PARVB: variants seen among roughly 807,000 people sequenced by gnomAD.
PARVB encodes the protein beta-parvin.
Under a neutral mutation model 47.0 loss-of-function variants are expected in PARVB, and 46 were observed. The observed-to-expected ratio is 0.98, with a 90% CI of 0.77 to 1.25. PARVB has a LOEUF of 1.25. PARVB is among the 50% of genes most tolerant of loss of function. The pLI, the probability that PARVB is intolerant of heterozygous loss-of-function variation, is 0.00. For synonymous variants in PARVB, 196 were observed against 196.3 expected (o/e 1.00, Z 0.01); for missense variants, 473 against 471.6 (o/e 1.00, Z -0.03).
chr22:44,143,467 TGCACGCA>T (rs1249760431), intron 8 of PARVB: 1 of 152,476 alleles, frequency 6.6e-6, no homozygotes, highest in African/African-American at 2.4e-5. Flanking sequence ...GGCCACAGTC[TGCACGCA>T]GCTGGGGGCA....
In PARVB at chr22:44,006,950, T is replaced by A. The variant is rs11913476; in HGVS notation, c.211+7277T>A. Among the ~76,000 whole-genome samples the A allele has an allele frequency of 5.4e-3, 827 of 152,340 alleles. 14 individuals are homozygous for A. Among genetic ancestry groups the A allele is most frequent in the African/African-American group, 0.019 (779 of 41,582 alleles). On this transcript the variant is annotated intron_variant, in intron 2 of 13. Coordinates refer to the PARVB transcript ENST00000406477. ...GCAAATCACCTTCATCGCTGAATCT[T>A]TCACCTGGGCAAGTGCAGGAGGGGA...
At chr22:44,128,955 G>A (rs1040558694) in intron 4 of PARVB, among the ~76,000 whole-genome samples, 2 of 152,208 alleles carry the variant, frequency 1.3e-5, no homozygotes, top group African/African-American at 2.4e-5. Flanking sequence ...GCACATGCCT[G>A]TAATCCCAGC....
At chr22:44,005,606 A>G (rs1367815586) in intron 2 of PARVB, among the ~76,000 whole-genome samples, 1 of 151,992 alleles carries the variant, frequency 6.6e-6, no homozygotes, top group East Asian at 1.9e-4. Context: ...GATTTCCTAG[A>G]GCTGAATCAA....
chr22:44,147,811 C>A, intron 8 of PARVB, 50 bp from the exon 9 acceptor site: 2 of 1,527,328 alleles, frequency 1.3e-6, no homozygotes, highest in South Asian at 2.2e-5. Context: ...TAGGGCAGCA[C>A]CACGGGTTTC....
upstream of PARVB, among the ~76,000 whole-genome samples, chr22:44,022,275 T>C (rs1198313118): frequency 6.6e-6 from 1 of 152,104 alleles, no homozygotes; most frequent in African/African-American, 2.4e-5. Flanking sequence ...CCTCTCCCTG[T>C]CTCTTCTGCC....
At position 44,068,794 on chromosome 22, in the gene PARVB, C is replaced by T. The variant is rs1256492520; in HGVS notation, c.113-25134C>T. Among the ~76,000 whole-genome samples the T allele has an allele frequency of 6.6e-6, 1 of 152,160 alleles. No homozygotes were observed. The highest frequency in any genetic ancestry group is 1.9e-4 in the East Asian group (1 of 5,190). The stretch of plus-strand genomic sequence containing the variant: ...CAGTGGGAGGCCAATGTCTGTTGTT[C>T]AGTTTAGCTCTGAGCCACGTGCATC... On this transcript the variant is annotated intron_variant, in intron 1 of 12. Transcript: ENST00000338758. This position sits in a 1 kb window ranked among gnomAD's most constrained non-coding sequence, Gnocchi z 4.1.
chr22:44,142,581 A>C (rs983063745), intron 8 of PARVB: 3 of 152,056 alleles, frequency 2.0e-5, no homozygotes, highest in Admixed American at 1.3e-4. Context: ...CTGTGGCCCG[A>C]GGGCCCAGAA....
intron 1 of PARVB, among the ~76,000 whole-genome samples, chr22:44,028,153 T>C (rs1057501604): frequency 6.6e-6 from 1 of 151,990 alleles, no homozygotes; most frequent in African/African-American, 2.4e-5. Context: ...GGGTTGCTCT[T>C]GCCGTTGGAC....
intron 7 of PARVB, among the ~76,000 whole-genome samples, chr22:44,138,628 T>G (rs971812728): frequency 6.6e-6 from 1 of 152,198 alleles, no homozygotes; most frequent in Non-Finnish European, 1.5e-5. Flanking sequence ...TAAGGCAGCA[T>G]TGCCACCTCC....
intron 2 of PARVB, among the ~76,000 whole-genome samples, chr22:44,012,373 T>C (rs1380489458): frequency 6.6e-6 from 1 of 152,252 alleles, no homozygotes. Flanking sequence ...GTGATTCATG[T>C]TCTGCTCACA....
At chr22:44,148,181 C>A in intron 9 of PARVB, 1 of 520,040 alleles carries the variant, frequency 1.9e-6, no homozygotes, top group Non-Finnish European at 3.5e-6. Context: ...GCCCCCATTT[C>A]TTTCTGACTC....
intron 1 of PARVB, among the ~76,000 whole-genome samples, chr22:44,087,428 C>T (rs888370610): frequency 3.3e-5 from 5 of 152,218 alleles, no homozygotes; most frequent in Admixed American, 2.0e-4. Flanking sequence ...CCAGACCCTC[C>T]AGGCAAGCCC....
Position 44,002,955 on chromosome 22 carries a change from A to G in PARVB, c.211+3282A>G, listed in dbSNP as rs1381879304. ...TAACTTTTAAGAGCAACAAACATTC[A>G]TGCAAAAGGAGATTCAGCATTATCT... On this transcript the variant is annotated intron_variant, in intron 2 of 13. Transcript: ENST00000406477. 2.0e-5 allele frequency among the ~76,000 whole-genome samples: 3 copies of G among 152,270 alleles called. No individual in the cohort carries two copies. The East Asian group carries it at 5.8e-4, about 29-fold the overall frequency.
At position 44,031,739 on chromosome 22, in the gene PARVB, T is replaced by C. The variant is rs567618818; in HGVS notation, c.112+7288T>C. ...TGAAATTGCTTACCCTCGCGCTCCC[T>C]GTCCAGTCGTCAGAATAATTAAGGG... is the stretch of plus-strand genomic sequence containing the variant. On this transcript the variant is annotated intron_variant, in intron 1 of 12. Coordinates refer to ENST00000338758, the MANE Select transcript of PARVB (RefSeq NM_013327.5). 2.0e-5 allele frequency among the ~76,000 whole-genome samples: 3 copies of C among 152,240 alleles called. No homozygotes were observed. In the East Asian group the frequency reaches 5.8e-4, roughly 29 times the overall value.
chr22:44,114,853 A>G (rs1388285592), intron 3 of PARVB: 1 of 139,364 alleles, frequency 7.2e-6, no homozygotes, highest in Admixed American at 6.9e-5. Context: ...CAACACAGAT[A>G]CATTGTTACT....
rs1381310207 is a variant in PARVB, at chr22:44,049,300, G to A, written c.112+24849G>A. ...ATGAACAATACCCATAGTGCTTGGC[G>A]TAGACAATCAGCAAAGCTAGGGACC... is the stretch of plus-strand genomic sequence containing the variant. On this transcript the variant is annotated intron_variant, in intron 1 of 12. Transcript: ENST00000338758. This position sits in a 1 kb window ranked among gnomAD's most constrained non-coding sequence, Gnocchi z 4.0. Among the ~76,000 whole-genome samples, 1 of 152,070 alleles carries A rather than the reference G, an allele frequency of 6.6e-6. No homozygotes were observed. Among genetic ancestry groups the A allele is most frequent in the Non-Finnish European group, 1.5e-5 (1 of 67,992 alleles).
chr22:44,147,664 C>G, intron 8 of PARVB, 197 bp from the exon 9 acceptor site: 1 of 745,928 alleles, frequency 1.3e-6, no homozygotes, highest in Non-Finnish European at 2.5e-6. Flanking sequence ...CCCAAGCGCT[C>G]TTGCTCGCCT....
intron 1 of PARVB, among the ~76,000 whole-genome samples, chr22:44,041,028 A>C (rs1476571919): frequency 6.6e-6 from 1 of 151,762 alleles, no homozygotes; most frequent in Non-Finnish European, 1.5e-5. Flanking sequence ...AAAGAAAGAA[A>C]TTTGTGTCGT....
chr22:44,119,349 A>G (rs1461294739), intron 4 of PARVB, among the ~76,000 whole-genome samples: 2 of 152,124 alleles, frequency 1.3e-5, no homozygotes, highest in Non-Finnish European at 2.9e-5. Context: ...GCACCCAGCC[A>G]TGGGGCAGCA....
Sources: allele counts gnomAD v4.1 joint callset (sites outside exome capture counted in the v4.1 genomes callset), GRCh38; gene constraint gnomAD v4.1.1; non-coding constraint Gnocchi (gnomAD v3.1); transcripts MANE v1.5; gene names NCBI Gene and HGNC (gene_info 2026-07-23, HGNC 2026-07-21).